The following CMTM8 variants were observed in gnomAD, a reference collection of about 807,000 sequenced individuals.
The protein encoded by CMTM8 is CKLF like MARVEL transmembrane domain containing 8.
A neutral mutation model predicts 18.6 loss-of-function variants in CMTM8; 12 were observed. The ratio of observed to expected loss-of-function variants is 0.65; its 90% confidence interval spans 0.41 to 1.05. The LOEUF is 1.05. Ranked by LOEUF, CMTM8 falls within the 50% of genes least tolerant of loss-of-function variation. CMTM8 has a pLI of 0.00. For missense variants in CMTM8, 217 were observed against 227.2 expected, an observed-to-expected ratio of 0.95 and a Z score of 0.29; for synonymous variants, 87 against 90.6, an observed-to-expected ratio of 0.96 and a Z score of 0.23.
At position 32,296,151 on chromosome 3, in the gene CMTM8, T is replaced by A. The variant is rs187734028; in HGVS notation, c.147+57032T>A. ...CAGCCTTTTATTTTTTATTTTTTTTTAAATAAAGATGAGGTCTCACTATGT... is the reference window on the plus strand; with the variant it reads ...CAGCCTTTTATTTTTTATTTTTTTTAAAATAAAGATGAGGTCTCACTATGT... On this transcript the variant is annotated intron_variant, in intron 1 of 3. Coordinates refer to ENST00000307526, the MANE Select transcript of CMTM8 (RefSeq NM_178868.5). Among the ~76,000 whole-genome samples, 165 of 152,178 alleles carry A rather than the reference T, an allele frequency of 1.1e-3. 1 individual carries two copies. The highest frequency in any genetic ancestry group is 3.7e-3 in the African/African-American group (155 of 41,508).
At chr3:32,257,883 T>C (rs1160718283) in intron 1 of CMTM8, among the ~76,000 whole-genome samples, 3 of 152,050 alleles carry the variant, frequency 2.0e-5, no homozygotes, top group African/African-American at 7.2e-5. Context: ...GTGATATGCA[T>C]CTGGTGGTTT....
intron 1 of CMTM8, among the ~76,000 whole-genome samples, chr3:32,318,569 T>A (rs905799176): frequency 6.1e-5 from 9 of 148,318 alleles, no homozygotes; most frequent in African/African-American, 2.2e-4. Flanking sequence ...TATTAATTTT[T>A]TTTTTTTTTT....
intron 1 of CMTM8, among the ~76,000 whole-genome samples, chr3:32,330,767 T>C (rs1393578698): frequency 6.6e-6 from 1 of 152,080 alleles, no homozygotes; most frequent in Non-Finnish European, 1.5e-5. Flanking sequence ...CAACAAATGG[T>C]TGGGAAAACT....
At chr3:32,260,242 C>G in intron 1 of CMTM8, 1 of 1,373,438 alleles carries the variant, frequency 7.3e-7, no homozygotes, top group Non-Finnish European at 1.0e-6. Flanking sequence ...CCAGCAGAAG[C>G]AGGGTACCCT....
chr3:32,258,660 C>T (rs1205424135), intron 1 of CMTM8, among the ~76,000 whole-genome samples: 2 of 152,102 alleles, frequency 1.3e-5, no homozygotes, highest in African/African-American at 2.4e-5. Context: ...CAGGCATGTG[C>T]CACCATGCCT....
chr3:32,275,592 G>T (rs1186462998), intron 1 of CMTM8, among the ~76,000 whole-genome samples: 1 of 151,028 alleles, frequency 6.6e-6, no homozygotes. Flanking sequence ...AAAGGTATTG[G>T]TGAAATCGCT....
chr3:32,363,847 C>T (rs1397327342), intron 2 of CMTM8, among the ~76,000 whole-genome samples: 2 of 152,208 alleles, frequency 1.3e-5, no homozygotes, highest in African/African-American at 4.8e-5. Context: ...GCTGATACCA[C>T]TCCTGCACTT....
At chr3:32,275,467 G>T (rs537204600) in intron 1 of CMTM8, among the ~76,000 whole-genome samples, 1 of 152,122 alleles carries the variant, frequency 6.6e-6, no homozygotes, top group African/African-American at 2.4e-5. Context: ...ATTATTGAAA[G>T]AATCAAATGC....
chr3:32,278,916 G>T (rs7644602), intron 1 of CMTM8, among the ~76,000 whole-genome samples: 80,634 of 151,904 alleles, frequency 0.53, 22,304 homozygotes, highest in East Asian at 0.88. Context: ...TGATGGAAAC[G>T]TGGCTAAATT....
chr3:32,364,888 G>A (rs1248222443), intron 2 of CMTM8, among the ~76,000 whole-genome samples: 4 of 152,242 alleles, frequency 2.6e-5, no homozygotes, highest in African/African-American at 9.6e-5. Context: ...CTGGGACTGA[G>A]TTCCAGCTGA....
intron 1 of CMTM8, among the ~76,000 whole-genome samples, chr3:32,309,795 G>T (rs560268254): frequency 6.6e-6 from 1 of 152,316 alleles, no homozygotes; most frequent in East Asian, 1.9e-4. Flanking sequence ...AGCCCTGTCT[G>T]TGCTCTTGGG....
At chr3:32,322,949 G>A (rs917580304) in intron 1 of CMTM8, among the ~76,000 whole-genome samples, 5 of 152,106 alleles carry the variant, frequency 3.3e-5, no homozygotes, top group African/African-American at 4.8e-5. Context: ...TGGCTTGGGC[G>A]GGGTGGGACC....
intron 1 of CMTM8, among the ~76,000 whole-genome samples, chr3:32,301,652 C>T (rs1360315960): frequency 6.6e-6 from 1 of 151,350 alleles, no homozygotes; most frequent in Admixed American, 6.6e-5. Flanking sequence ...TGACATTGCA[C>T]TGGGGATTCC....
Position 32,263,667 on chromosome 3 carries a change from G to GT in CMTM8, c.147+24550dup, listed in dbSNP as rs749223705. Among the ~76,000 whole-genome samples, 9 of 152,174 alleles carry GT rather than the reference G, an allele frequency of 5.9e-5. No individual in the cohort carries two copies. In the East Asian group the frequency reaches 9.6e-4, roughly 16 times the overall value. ...AAACTTCTCCGAGCTAAAGGAGGAA[G>GT]TTCGAACCCATGGTAAGGAAGTTAA... On this transcript the variant is annotated intron_variant, in intron 1 of 3. Coordinates refer to ENST00000307526, the MANE Select transcript of CMTM8 (RefSeq NM_178868.5).
At chr3:32,340,934 T>G (rs1303408002) in intron 1 of CMTM8, among the ~76,000 whole-genome samples, 1 of 152,264 alleles carries the variant, frequency 6.6e-6, no homozygotes, top group Non-Finnish European at 1.5e-5. Context: ...GCCTATTTAC[T>G]GACTCAATAT....
At chr3:32,332,211 G>C (rs1215690533) in intron 1 of CMTM8, among the ~76,000 whole-genome samples, 1 of 152,204 alleles carries the variant, frequency 6.6e-6, no homozygotes, top group African/African-American at 2.4e-5. Context: ...ATATGGGGCT[G>C]GGTTAGCTGC....
chr3:32,350,765 C>T (rs1284120816), intron 1 of CMTM8, among the ~76,000 whole-genome samples: 1 of 152,022 alleles, frequency 6.6e-6, no homozygotes, highest in Non-Finnish European at 1.5e-5. Flanking sequence ...CCTCGTGATC[C>T]AGCCGCCTCA....
intron 1 of CMTM8, among the ~76,000 whole-genome samples, chr3:32,290,872 A>G (rs1403200320): frequency 6.6e-6 from 1 of 152,210 alleles, no homozygotes; most frequent in Non-Finnish European, 1.5e-5. Flanking sequence ...AAAGGCTTGT[A>G]GCAGCTAGTG....
intron 2 of CMTM8, among the ~76,000 whole-genome samples, chr3:32,361,285 A>AGTTTTTTTTTTTGTTTTTTTTT (rs1350130022): frequency 8.4e-5 from 2 of 23,908 alleles, no homozygotes; most frequent in African/African-American, 1.8e-4. Context: ...CCAGCCTAAG[A>AGTTTTTTTTTTTGTTTTTTTTT]GTTTTTTTTT....
Sources: allele counts gnomAD v4.1 joint callset (sites outside exome capture counted in the v4.1 genomes callset), GRCh38; gene constraint gnomAD v4.1.1; transcripts MANE v1.5; gene names NCBI Gene and HGNC (gene_info 2026-07-23, HGNC 2026-07-21).